The following CSMD2 variants were observed in gnomAD, a reference collection of about 807,000 sequenced individuals.
The protein encoded by CSMD2 is CUB and Sushi multiple domains 2.
In CSMD2, 130 loss-of-function variants were observed where a neutral mutation model predicts 398.5. That is an observed-to-expected ratio of 0.33 (90% CI 0.28 to 0.38). The LOEUF (loss-of-function observed/expected upper bound fraction) is 0.38. Among genes scored for constraint, CSMD2 ranks in the 10% least tolerant of loss-of-function variants. The probability of loss-of-function intolerance (pLI) is 1.00; values close to 1 mark genes in which losing one functional copy is unlikely to be tolerated. For missense variants in CSMD2, 3,829 were observed against 4,764.9 expected, an observed-to-expected ratio of 0.80 and a Z score of 5.78; for synonymous variants, 1,828 against 1,908.5, an observed-to-expected ratio of 0.96 and a Z score of 1.10.
chr1:33,952,951 T>C (rs993015228), intron 3 of CSMD2, among the ~76,000 whole-genome samples: 1 of 152,248 alleles, frequency 6.6e-6, no homozygotes, highest in African/African-American at 2.4e-5. Flanking sequence ...CTTCTGTTCC[T>C]TAAACATTCC....
intron 29 of CSMD2, among the ~76,000 whole-genome samples, chr1:33,643,496 A>G (rs768285534): frequency 6.6e-6 from 1 of 152,232 alleles, no homozygotes; most frequent in Non-Finnish European, 1.5e-5. Context: ...ATCAAAGTAC[A>G]TATCAAATAC....
chr1:33,546,828 TA>T (rs1287503675), intron 56 of CSMD2, among the ~76,000 whole-genome samples: 1 of 152,172 alleles, frequency 6.6e-6, no homozygotes, highest in Non-Finnish European at 1.5e-5. Context: ...CTTCATTTCT[TA>T]ACCGCCTAGC....
At chr1:33,987,617 G>A (rs547395059) in intron 3 of CSMD2, among the ~76,000 whole-genome samples, 52 of 152,092 alleles carry the variant, frequency 3.4e-4, no homozygotes, top group Non-Finnish European at 6.8e-4. Context: ...TTCCTCTGTG[G>A]ATAAATTGCA....
intron 37 of CSMD2, among the ~76,000 whole-genome samples, chr1:33,619,943 C>T (rs1641658267): frequency 6.6e-6 from 1 of 152,142 alleles, no homozygotes; most frequent in African/African-American, 2.4e-5. Flanking sequence ...TTGCAACTAA[C>T]TAGACCTACT....
intron 5 of CSMD2, among the ~76,000 whole-genome samples, chr1:33,865,112 C>A (rs1310004996): frequency 6.6e-5 from 10 of 151,100 alleles, no homozygotes; most frequent in Admixed American, 1.3e-4. Context: ...GGTAGAAGCA[C>A]CGTGGTTCTG....
intron 1 of CSMD2, chr1:34,112,956 G>A (rs1253292217): frequency 6.6e-6 from 1 of 152,296 alleles, no homozygotes; most frequent in Non-Finnish European, 1.5e-5. Context: ...GAGATCTACG[G>A]CCATACCACC....
intron 41 of CSMD2, among the ~76,000 whole-genome samples, chr1:33,607,318 G>C (rs1350240062): frequency 6.6e-6 from 1 of 152,212 alleles, no homozygotes; most frequent in Non-Finnish European, 1.5e-5. Context: ...CAGAGTATCA[G>C]TTGGAGGAAT....
At chr1:33,837,684 T>A (rs1489171116) in intron 6 of CSMD2, among the ~76,000 whole-genome samples, 1 of 152,192 alleles carries the variant, frequency 6.6e-6, no homozygotes, top group Non-Finnish European at 1.5e-5. Context: ...AATATTCACA[T>A]ACAAAAAAGA....
intron 5 of CSMD2, among the ~76,000 whole-genome samples, chr1:33,895,508 C>A (rs1454815406): frequency 2.0e-5 from 3 of 152,094 alleles, no homozygotes; most frequent in Non-Finnish European, 2.9e-5. Context: ...GAGGCTGGAC[C>A]TTATATTGAG....
Position 33,914,913 on chromosome 1 carries a change from T to C in CSMD2, c.920+3181A>G, listed in dbSNP as rs141582897. On this transcript the variant is annotated intron_variant, in intron 5 of 70. Coordinates refer to ENST00000373381, the MANE Select transcript of CSMD2 (RefSeq NM_001281956.2). ...GCAGGTTTTCTTCTAACATCCTTAC[T>C]TGGCAAAATAAAAAATGACCAATCC... Among the ~76,000 whole-genome samples the C allele has an allele frequency of 2.7e-3, 405 of 152,370 alleles. 3 individuals carry two copies. Among genetic ancestry groups the C allele is most frequent in the African/African-American group, 9.0e-3 (374 of 41,592 alleles).
At chr1:33,542,510 T>C (rs990313224) in intron 58 of CSMD2, among the ~76,000 whole-genome samples, 3 of 152,200 alleles carry the variant, frequency 2.0e-5, no homozygotes, top group Non-Finnish European at 4.4e-5. Flanking sequence ...ATGGTGAAGA[T>C]CAAATGAAAT....
chr1:33,757,196 T>C (rs1649156694), intron 13 of CSMD2, among the ~76,000 whole-genome samples: 1 of 152,040 alleles, frequency 6.6e-6, no homozygotes, highest in African/African-American at 2.4e-5. Context: ...TTAGGAGATA[T>C]ACCTAAAGCT....
At chr1:33,720,402 T>G (rs1413942044) in intron 19 of CSMD2, among the ~76,000 whole-genome samples, 2 of 152,036 alleles carry the variant, frequency 1.3e-5, no homozygotes, top group African/African-American at 2.4e-5. Context: ...CCAACCTAGA[T>G]GCAGAGCTGG....
chr1:33,643,873 G>T (rs1171050793), intron 29 of CSMD2, among the ~76,000 whole-genome samples: 3 of 149,946 alleles, frequency 2.0e-5, no homozygotes, highest in Non-Finnish European at 4.4e-5. Context: ...ATATTAGGAG[G>T]TGTGTAGTCT....
chr1:33,878,975 C>T (rs1010900965), intron 5 of CSMD2, among the ~76,000 whole-genome samples: 2 of 152,150 alleles, frequency 1.3e-5, no homozygotes, highest in African/African-American at 2.4e-5. Flanking sequence ...TTCTTCTTAC[C>T]GCGGTAACAA....
chr1:33,990,775 G>A lies in CSMD2; in HGVS notation c.517+41819C>T, dbSNP rs1036608591. On this transcript the variant is annotated intron_variant, in intron 3 of 70. Transcript: ENST00000373381. ...TGCCAGCCTTAGGTTGAGGCCAGGG[G>A]TGAGCCTACTGAGCTCACCCAGTTA... Among the ~76,000 whole-genome samples, 24 of 152,262 alleles carry A rather than the reference G, an allele frequency of 1.6e-4. 1 individual carries two copies. The highest frequency in any genetic ancestry group is 1.4e-3 in the Admixed American group (22 of 15,298).
At chr1:34,101,936 A>G (rs1429721548) in intron 1 of CSMD2, among the ~76,000 whole-genome samples, 1 of 152,236 alleles carries the variant, frequency 6.6e-6, no homozygotes, top group African/African-American at 2.4e-5. Context: ...TTATAGAGTC[A>G]GAATTTTAAT....
intron 21 of CSMD2, among the ~76,000 whole-genome samples, chr1:33,710,352 A>G (rs981109520): frequency 6.6e-6 from 1 of 152,216 alleles, no homozygotes; most frequent in African/African-American, 2.4e-5. Context: ...GGATGAATCT[A>G]TGAATTTCCA....
intron 5 of CSMD2, among the ~76,000 whole-genome samples, chr1:33,850,947 G>A (rs191929074): frequency 1.2e-4 from 18 of 152,258 alleles, no homozygotes; most frequent in African/African-American, 4.1e-4. Flanking sequence ...TTTGTGGGAA[G>A]CATTTCTTCT....
Sources: gnomAD v4.1 joint callset for allele counts (sites outside exome capture counted in the v4.1 genomes callset) on GRCh38, gnomAD v4.1.1 for gene constraint, MANE v1.5 for transcripts, NCBI Gene and HGNC (gene_info 2026-07-23, HGNC 2026-07-21) for gene names.